The following WDR33 variants were observed in gnomAD, a reference collection of about 807,000 sequenced individuals.
The protein encoded by WDR33 is pre-mRNA 3' end processing protein WDR33.
WDR33 carries 47 observed loss-of-function variants against 164.9 expected under a neutral mutation model. That is an observed-to-expected ratio of 0.29 (90% confidence interval 0.23 to 0.36). WDR33 has a LOEUF of 0.36. Among genes scored for constraint, WDR33 ranks in the 10% least tolerant of loss-of-function variants. WDR33 has a pLI of 1.00. For synonymous variants in WDR33, 505 were observed against 589.0 expected (o/e 0.86, Z 2.06); for missense variants, 1,137 against 1,754.1 (o/e 0.65, Z 6.28).
Position 127,738,602 on chromosome 2 carries a change from A to AGTATAC in WDR33, c.725-11831_725-11826dup, listed in dbSNP as rs1686921627. Among the ~76,000 whole-genome samples, 1 of 152,202 alleles carries AGTATAC rather than the reference A, an allele frequency of 6.6e-6. No homozygotes were observed. The stretch of plus-strand genomic sequence containing the variant: ...AAGATCAACATCAAGTCATACTGAT[A>AGTATAC]GTATACATCCATGACATGGTATGAT... On this transcript the variant is annotated intron_variant, in intron 7 of 21. Coordinates refer to ENST00000322313, the MANE Select transcript of WDR33 (RefSeq NM_018383.5). This position sits in a 1 kb window ranked among gnomAD's most constrained non-coding sequence, Gnocchi z 4.4.
At position 127,712,480 on chromosome 2, in the gene WDR33, C is replaced by G. The variant is rs965346437; in HGVS notation, c.3308+1103G>C. ...AGAGACTATAGTAAAAGCTGAAGTG[C>G]TGAACAGCATGGGCCTGAAGCCCAG... On this transcript the variant is annotated intron_variant, in intron 18 of 21. Coordinates refer to ENST00000322313, the MANE Select transcript of WDR33 (RefSeq NM_018383.5). The surrounding 1 kb of genome is among the most constrained non-coding windows in gnomAD (Gnocchi z 4.0). 6.6e-6 allele frequency among the ~76,000 whole-genome samples: 1 copy of G among 152,140 alleles called. No individual in the cohort carries two copies. Among genetic ancestry groups the G allele is most frequent in the Non-Finnish European group, 1.5e-5 (1 of 68,028 alleles).
intron 1 of WDR33, among the ~76,000 whole-genome samples, chr2:127,784,283 CCTT>C (rs1299599514): frequency 6.6e-6 from 1 of 152,140 alleles, no homozygotes; most frequent in African/African-American, 2.4e-5. Context: ...ATTTTCACAG[CCTT>C]CTAAGACAAC....
At chr2:127,761,671 T>C (rs1398420008) in intron 7 of WDR33, among the ~76,000 whole-genome samples, 1 of 152,204 alleles carries the variant, frequency 6.6e-6, no homozygotes, top group East Asian at 1.9e-4. Flanking sequence ...AAGATTCTAG[T>C]CCTGGCTCTG....
intron 7 of WDR33, among the ~76,000 whole-genome samples, chr2:127,761,325 C>T (rs1306749954): frequency 1.3e-5 from 2 of 151,958 alleles, no homozygotes; most frequent in South Asian, 2.1e-4. Flanking sequence ...CTCAGCCTCC[C>T]GAGTAGCTGG....
chr2:127,750,310 G>A (rs753336380), intron 7 of WDR33, among the ~76,000 whole-genome samples: 1 of 151,992 alleles, frequency 6.6e-6, no homozygotes. Context: ...TTACTGGCAT[G>A]AGCCACCGCA....
chr2:127,763,164 T>C lies in WDR33; in HGVS notation c.627-5A>G. 1 of 1,613,992 alleles carries C rather than the reference T, an allele frequency of 6.2e-7. No homozygotes were observed. Among genetic ancestry groups the C allele is most frequent in the South Asian group, 1.1e-5 (1 of 91,076 alleles). On this transcript the variant is annotated splice_polypyrimidine_tract_variant and splice_region_variant and intron_variant, in intron 6 of 21. Coordinates refer to ENST00000322313, the MANE Select transcript of WDR33 (RefSeq NM_018383.5). The surrounding 1 kb of genome is among the most constrained non-coding windows in gnomAD (Gnocchi z 4.5). ...TTATTATCCGTGGGTGAGAAACTGT[T>C]ACATGAAGACACACAGCAGGGGAAA...
chr2:127,747,179 G>C (rs1192045079), intron 7 of WDR33, among the ~76,000 whole-genome samples: 1 of 152,136 alleles, frequency 6.6e-6, no homozygotes, highest in Non-Finnish European at 1.5e-5. Context: ...ACACAATTTA[G>C]ACACAGGCAC....
Position 127,708,671 on chromosome 2 carries a change from T to A in WDR33, c.3781+6A>T. On this transcript the variant is annotated splice_donor_region_variant and intron_variant, in intron 21 of 21. Transcript: ENST00000322313. The surrounding 1 kb of genome is among the most constrained non-coding windows in gnomAD (Gnocchi z 6.7). ...CCTGGAACCATAACCACTGGCCTGC[T>A]CTTACCTTTGCCTCCTCGGTCTTCA... is the stretch of plus-strand genomic sequence containing the variant. The A allele has an allele frequency of 6.3e-7, 1 of 1,596,488 alleles. No homozygotes were observed. The highest frequency in any genetic ancestry group is 8.5e-7 in the Non-Finnish European group (1 of 1,170,186).
chr2:127,751,362 AAATAATAATAAT>A (rs61554819), intron 7 of WDR33, among the ~76,000 whole-genome samples: 28,383 of 136,674 alleles, frequency 0.21, 3,043 homozygotes, highest in Middle Eastern at 0.31. Context: ...CCTTATCTCA[AAATAATAATAAT>A]AATAATAATA....
chr2:127,777,153 G>A (rs74419089), intron 1 of WDR33, among the ~76,000 whole-genome samples: 185 of 152,276 alleles, frequency 1.2e-3, no homozygotes, highest in African/African-American at 4.4e-3. Context: ...AATTGCTAAG[G>A]ACAAGAATCT....
rs1686336819 is a variant in WDR33, at chr2:127,717,882, T to C, written c.2761-619A>G. Among the ~76,000 whole-genome samples, 1 of 152,148 alleles carries C rather than the reference T, an allele frequency of 6.6e-6. No homozygotes were observed. Among genetic ancestry groups the C allele is most frequent in the South Asian group, 2.1e-4 (1 of 4,830 alleles). On this transcript the variant is annotated intron_variant, in intron 16 of 21. Coordinates refer to ENST00000322313, the MANE Select transcript of WDR33 (RefSeq NM_018383.5). The surrounding 1 kb of genome is among the most constrained non-coding windows in gnomAD (Gnocchi z 5.6). Reference sequence around the variant, plus strand: ...TTCAGTTATAACACAGTAGCTAAAGTCCATTATTTTTTTAATCCTCCAAAA... The same window carrying C: ...TTCAGTTATAACACAGTAGCTAAAGCCCATTATTTTTTTAATCCTCCAAAA...
intron 1 of WDR33, among the ~76,000 whole-genome samples, chr2:127,777,390 G>C (rs1688221086): frequency 1.3e-5 from 2 of 152,178 alleles, no homozygotes; most frequent in Admixed American, 1.3e-4. Flanking sequence ...AAGATCCTGA[G>C]TACACAAAAG....
At chr2:127,808,281 TAG>T (rs1160410949) in intron 1 of WDR33, among the ~76,000 whole-genome samples, 7 of 152,108 alleles carry the variant, frequency 4.6e-5, no homozygotes, top group Non-Finnish European at 1.0e-4. Flanking sequence ...AACTGAAGCT[TAG>T]AGAGTTTAAT....
chr2:127,756,583 T>G (rs1350869074), intron 7 of WDR33, among the ~76,000 whole-genome samples: 2 of 152,162 alleles, frequency 1.3e-5, no homozygotes, highest in African/African-American at 4.8e-5. Context: ...AAAGACCTGA[T>G]AAGCTGAGAT....
intron 1 of WDR33, among the ~76,000 whole-genome samples, chr2:127,790,826 CTT>C (rs1187288268): frequency 6.6e-6 from 1 of 152,062 alleles, no homozygotes; most frequent in African/African-American, 2.4e-5. Context: ...CATATTTTTT[CTT>C]GAGTGAGTTT....
At chr2:127,768,506 C>T (rs1014244170) in intron 3 of WDR33, among the ~76,000 whole-genome samples, 5 of 152,072 alleles carry the variant, frequency 3.3e-5, no homozygotes, top group African/African-American at 1.2e-4. Context: ...TATTACTAAA[C>T]AAACAAGAAA....
chr2:127,807,397 CAG>C (rs1426685888), intron 1 of WDR33, among the ~76,000 whole-genome samples: 1 of 152,136 alleles, frequency 6.6e-6, no homozygotes, highest in Admixed American at 6.5e-5. Flanking sequence ...TGAGAGCAAA[CAG>C]AGTAGAGAGC....
At chr2:127,788,149 CA>C (rs1435131282) in intron 1 of WDR33, among the ~76,000 whole-genome samples, 1 of 96,706 alleles carries the variant, frequency 1.0e-5, no homozygotes, top group Non-Finnish European at 2.1e-5. Context: ...GGCGGCCGGG[CA>C]GAGGCGCCCC....
rs369431202 is a variant in WDR33 at position 127,706,499 on chromosome 2, A to G, written c.3835T>C (p.Ser1279Pro). The G allele has an allele frequency of 6.2e-7, 1 of 1,612,932 alleles. No homozygotes were observed. The highest frequency in any genetic ancestry group is 8.5e-7 in the Non-Finnish European group (1 of 1,179,546). ...CCATCGTGGTGCTCTCCGTCTAAGG[A>G]GCTGGAACGCCCAGATTTGGGCACT... ...QRVPKSGRSS[S>P]LDGEHHDGYH... is the part of the protein sequence containing the mutation. Residue 1279 changes from serine (S) to proline (P), a missense_variant, in exon 22 of 22, where the codon TCC (serine) becomes CCC (proline). Coordinates refer to ENST00000322313, the MANE Select transcript of WDR33 (RefSeq NM_018383.5). The surrounding 1 kb of genome is among the most constrained non-coding windows in gnomAD (Gnocchi z 5.1).
Sources: allele counts gnomAD v4.1 joint callset (sites outside exome capture counted in the v4.1 genomes callset), GRCh38; gene constraint gnomAD v4.1.1; non-coding constraint Gnocchi (gnomAD v3.1); transcripts MANE v1.5; gene names NCBI Gene and HGNC (gene_info 2026-07-23, HGNC 2026-07-21).